The following PCNX1 variants were observed in gnomAD, a reference collection of about 807,000 sequenced individuals.
PCNX1 encodes the protein pecanex-like protein 1.
PCNX1 carries 78 observed loss-of-function variants against 242.2 expected under a neutral mutation model. The ratio of observed to expected loss-of-function variants is 0.32; its 90% CI spans 0.27 to 0.39. PCNX1 has a LOEUF of 0.39. Ranked by LOEUF, PCNX1 falls within the 10% of genes least tolerant of loss-of-function variation. The pLI, the probability that PCNX1 is intolerant of heterozygous loss-of-function variation, is 1.00. For synonymous variants in PCNX1, 1,024 were observed against 1,032.9 expected (o/e 0.99, Z 0.17); for missense variants, 2,581 against 2,856.5 (o/e 0.90, Z 2.20).
chr14:71,007,146 G>A (rs189137606), intron 8 of PCNX1, among the ~76,000 whole-genome samples: 499 of 151,338 alleles, frequency 3.3e-3, no homozygotes, highest in Non-Finnish European at 6.1e-3. Flanking sequence ...GTAAATTCAG[G>A]TAGTAATAGA....
chr14:71,071,496 G>C (rs1209140524), intron 26 of PCNX1, among the ~76,000 whole-genome samples: 2 of 152,126 alleles, frequency 1.3e-5, no homozygotes, highest in Non-Finnish European at 2.9e-5. Flanking sequence ...TCCCCTTGCT[G>C]TTCTCATGAT....
rs1443462212 is a variant in PCNX1, at chr14:71,036,060, C to G, written c.3775-5C>G. On this transcript the variant is annotated splice_polypyrimidine_tract_variant and splice_region_variant and intron_variant, in intron 18 of 35. Coordinates refer to ENST00000304743, the MANE Select transcript of PCNX1 (RefSeq NM_014982.3). ...TTGTTTAATAATTCTTTTTTTTCCCCACAGAGTGAGCGATTACAGTCTGAC... is the reference window on the plus strand; with the variant it reads ...TTGTTTAATAATTCTTTTTTTTCCCGACAGAGTGAGCGATTACAGTCTGAC... 4 of 1,558,360 alleles carry G rather than the reference C, an allele frequency of 2.6e-6. No homozygotes were observed. Among genetic ancestry groups the G allele is most frequent in the Non-Finnish European group, 3.5e-6 (4 of 1,135,786 alleles).
At chr14:71,005,921 C>T (rs1308226125) in intron 8 of PCNX1, among the ~76,000 whole-genome samples, 12 of 134,900 alleles carry the variant, frequency 8.9e-5, no homozygotes, top group African/African-American at 2.7e-4. Flanking sequence ...GGTATCTTAA[C>T]TTTTTTTTTT....
intron 30 of PCNX1, among the ~76,000 whole-genome samples, chr14:71,092,230 C>A (rs1271680206): frequency 2.6e-5 from 4 of 152,236 alleles, no homozygotes; most frequent in Admixed American, 6.5e-5. Context: ...ACTGTTACTA[C>A]ACCAGCAGGT....
intron 1 of PCNX1, among the ~76,000 whole-genome samples, chr14:70,908,719 G>C (rs2139969711): frequency 6.6e-6 from 1 of 152,360 alleles, no homozygotes; most frequent in Admixed American, 6.5e-5. Context: ...GGGAGGGAGC[G>C]GGGAGATAAC....
intron 5 of PCNX1, among the ~76,000 whole-genome samples, chr14:70,974,184 G>A (rs538779858): frequency 1.8e-4 from 26 of 148,260 alleles, no homozygotes; most frequent in African/African-American, 5.2e-4. Flanking sequence ...AAAAATATAC[G>A]CCCATATACC....
At position 70,977,950 on chromosome 14, in the gene PCNX1, A is replaced by T. The variant is rs2058730943; in HGVS notation, c.1613A>T (p.Lys538Met). 1 of 1,613,982 alleles carries T rather than the reference A, an allele frequency of 6.2e-7. No individual in the cohort carries two copies. The highest frequency in any genetic ancestry group is 1.3e-5 in the African/African-American group (1 of 74,888). ...CGTAAAGATGTTGGTGGAAAGCAAA[A>T]GGAAGGGGATGTTCGACCTAAATCT... ...KVRKDVGGKQ[K>M]EGDVRPKSSS... The change falls in exon 6 of 36, where the codon AAG (lysine) becomes ATG (methionine). Residue 538 changes from lysine (K) to methionine (M), a missense_variant. Coordinates refer to ENST00000304743, the MANE Select transcript of PCNX1 (RefSeq NM_014982.3).
At chr14:71,074,535 T>C (rs1226324711) in intron 27 of PCNX1, among the ~76,000 whole-genome samples, 2 of 152,222 alleles carry the variant, frequency 1.3e-5, no homozygotes, top group Non-Finnish European at 2.9e-5. Context: ...CCTCTCACAG[T>C]AGAGTTGTGC....
chr14:71,003,945 C>T (rs1171561236), intron 8 of PCNX1, among the ~76,000 whole-genome samples: 1 of 152,196 alleles, frequency 6.6e-6, no homozygotes, highest in Non-Finnish European at 1.5e-5. Flanking sequence ...AATATTGAAA[C>T]TTGAAGTTAC....
At chr14:70,924,838 A>G (rs1016105939) in intron 1 of PCNX1, among the ~76,000 whole-genome samples, 11 of 151,806 alleles carry the variant, frequency 7.2e-5, no homozygotes, top group African/African-American at 2.4e-4. Context: ...ATCCACCCAC[A>G]TCAGCCTCCC....
At chr14:70,971,971 G>A (rs1294593269) in intron 5 of PCNX1, among the ~76,000 whole-genome samples, 1 of 152,160 alleles carries the variant, frequency 6.6e-6, no homozygotes, top group Non-Finnish European at 1.5e-5. Flanking sequence ...TTTCATTTCA[G>A]TGGAATCACT....
intron 28 of PCNX1, among the ~76,000 whole-genome samples, chr14:71,079,740 A>AATTTAAATTCCTTGTAG (rs1434590714): frequency 4.6e-5 from 7 of 151,112 alleles, no homozygotes; most frequent in Admixed American, 2.6e-4. Flanking sequence ...TTTTCTTGTA[A>AATTTAAATTCCTTGTAG]ATTTAAATTC....
chr14:71,042,568 A>G (rs1181364179), intron 19 of PCNX1, among the ~76,000 whole-genome samples: 1 of 151,838 alleles, frequency 6.6e-6, no homozygotes, highest in African/African-American at 2.4e-5. Flanking sequence ...TTTACAGGTG[A>G]AGTTAGTTTC....
chr14:70,974,828 G>A (rs1414584489), intron 5 of PCNX1, among the ~76,000 whole-genome samples: 1 of 152,088 alleles, frequency 6.6e-6, no homozygotes, highest in African/African-American at 2.4e-5. Flanking sequence ...GTATCTTTTT[G>A]TGTTGATTTG....
At position 70,977,965 on chromosome 14, in the gene PCNX1, G is replaced by T. The variant is rs775621477; in HGVS notation, c.1628G>T (p.Arg543Leu). 3 of 1,613,974 alleles carry T rather than the reference G, an allele frequency of 1.9e-6. No individual in the cohort carries two copies. The highest frequency in any genetic ancestry group is 2.7e-5 in the African/African-American group (2 of 74,900). Residue 543 changes from arginine (R) to leucine (L), a missense_variant, in exon 6 of 36, where the codon CGA (arginine) becomes CTA (leucine). Around this residue, in one of 9 missense-constraint regions of PCNX1, gnomAD observed 1,204 missense variants for 1,216.7 expected, o/e 0.99. Transcript: ENST00000304743. The part of the protein sequence containing the change: ...VGGKQKEGDV[R>L]PKSSSVIHRT... ...GGAAAGCAAAAGGAAGGGGATGTTC[G>T]ACCTAAATCTTCTAGCGTAATCCAT...
chr14:71,083,762 A>G (rs1383759920), intron 28 of PCNX1, among the ~76,000 whole-genome samples: 3 of 151,856 alleles, frequency 2.0e-5, no homozygotes, highest in South Asian at 4.2e-4. Context: ...CCTTTTTTCA[A>G]GGTTCTTAGC....
At chr14:70,939,929 T>G (rs1022660022) in intron 1 of PCNX1, among the ~76,000 whole-genome samples, 3 of 152,230 alleles carry the variant, frequency 2.0e-5, no homozygotes, top group African/African-American at 7.2e-5. Context: ...AAAGTCTGTC[T>G]TATCAGAGAC....
chr14:70,969,186 A>G (rs2058468457), intron 5 of PCNX1, 76 bp downstream of exon 5: 1 of 830,676 alleles, frequency 1.2e-6, no homozygotes, highest in African/African-American at 1.7e-5. Context: ...GCTGCATACA[A>G]TTTGGCAGAA....
At chr14:70,932,710 T>G (rs1426261742) in intron 1 of PCNX1, among the ~76,000 whole-genome samples, 1 of 152,114 alleles carries the variant, frequency 6.6e-6, no homozygotes, top group African/African-American at 2.4e-5. Context: ...TCTCCTGGGT[T>G]CAAGCGATTC....
Sources: allele counts gnomAD v4.1 joint callset (sites outside exome capture counted in the v4.1 genomes callset), GRCh38; gene constraint gnomAD v4.1.1; regional missense constraint gnomAD v4.1.1; transcripts MANE v1.5; gene names NCBI Gene and HGNC (gene_info 2026-07-23, HGNC 2026-07-21).